The following MBD5 variants were observed in gnomAD, a reference collection of about 807,000 sequenced individuals.
The protein encoded by MBD5 is methyl-CpG-binding domain protein 5.
In MBD5, 13 loss-of-function variants were observed where a neutral mutation model predicts 117.3. That is an observed-to-expected ratio of 0.11 (90% confidence interval 0.07 to 0.18). The LOEUF (loss-of-function observed/expected upper bound fraction) is 0.18. Among genes scored for constraint, MBD5 ranks in the 10% least tolerant of loss-of-function variants. MBD5 has a pLI of 1.00. For missense variants in MBD5, 1,879 were observed against 2,093.8 expected, an observed-to-expected ratio of 0.90 and a Z score of 2.00; for synonymous variants, 727 against 766.4, an observed-to-expected ratio of 0.95 and a Z score of 0.85.
chr2:148,235,999 A>T (rs1018254537), intron 3 of MBD5, among the ~76,000 whole-genome samples: 3 of 151,980 alleles, frequency 2.0e-5, no homozygotes, highest in Non-Finnish European at 2.9e-5. Flanking sequence ...GGGTTTTGCC[A>T]TGTTGCCCAG....
At chr2:148,122,981 A>C (rs528994831) in intron 1 of MBD5, among the ~76,000 whole-genome samples, 1 of 152,312 alleles carries the variant, frequency 6.6e-6, no homozygotes, top group East Asian at 1.9e-4. Context: ...GAGATGACTA[A>C]GGATAGACAG....
At chr2:148,511,268 T>C (rs941128037) in intron 13 of MBD5, among the ~76,000 whole-genome samples, 1 of 152,266 alleles carries the variant, frequency 6.6e-6, no homozygotes, top group South Asian at 2.1e-4. Context: ...GACTTTCCAC[T>C]GACCTGACCT....
chr2:148,313,657 T>C (rs2106540333), intron 3 of MBD5, among the ~76,000 whole-genome samples: 1 of 152,236 alleles, frequency 6.6e-6, no homozygotes, highest in Non-Finnish European at 1.5e-5. Context: ...AACGGTTCTG[T>C]CTCATTGGCA....
chr2:148,255,814 A>G (rs969358703), intron 3 of MBD5, among the ~76,000 whole-genome samples: 1 of 152,238 alleles, frequency 6.6e-6, no homozygotes, highest in South Asian at 2.1e-4. Flanking sequence ...TTGCCCAATC[A>G]TACCTGCAGC....
At chr2:148,440,439 A>G (rs1018764812) in intron 4 of MBD5, among the ~76,000 whole-genome samples, 1 of 152,194 alleles carries the variant, frequency 6.6e-6, no homozygotes, top group Non-Finnish European at 1.5e-5. Context: ...TAAAATAAGA[A>G]AAGTAGATTC....
chr2:148,319,228 T>C (rs896868377), intron 3 of MBD5, among the ~76,000 whole-genome samples: 3 of 152,202 alleles, frequency 2.0e-5, no homozygotes, highest in African/African-American at 7.2e-5. Flanking sequence ...TTGATTTGGC[T>C]ATTTGGGGTC....
chr2:148,025,897 G>A (rs1228681615), intron 1 of MBD5: 5 of 152,132 alleles, frequency 3.3e-5, no homozygotes, highest in Admixed American at 1.3e-4. Context: ...TTAGTAAAAT[G>A]ATTTGGAATT....
chr2:148,298,358 C>T (rs547479757), intron 3 of MBD5, among the ~76,000 whole-genome samples: 2 of 152,286 alleles, frequency 1.3e-5, no homozygotes, highest in African/African-American at 4.8e-5. Context: ...TTGACCACAC[C>T]TACCTGGAGT....
intron 4 of MBD5, among the ~76,000 whole-genome samples, chr2:148,399,362 C>T (rs1704841754): frequency 6.6e-6 from 1 of 151,836 alleles, no homozygotes; most frequent in African/African-American, 2.4e-5. Flanking sequence ...TTGAAGAGGT[C>T]CTTCACATCC....
chr2:148,304,938 G>A (rs1458082800), intron 3 of MBD5, among the ~76,000 whole-genome samples: 2 of 151,132 alleles, frequency 1.3e-5, no homozygotes, highest in Admixed American at 1.3e-4. Context: ...AGTGGCGGGC[G>A]CCTGTAGTCC....
At chr2:148,140,386 A>G (rs1215243274) in intron 1 of MBD5, among the ~76,000 whole-genome samples, 2 of 152,202 alleles carry the variant, frequency 1.3e-5, no homozygotes, top group Non-Finnish European at 2.9e-5. Context: ...AGATAAAAAA[A>G]TTATGTTGTA....
intron 2 of MBD5, among the ~76,000 whole-genome samples, chr2:148,214,394 C>G (rs1290328980): frequency 6.6e-6 from 1 of 152,078 alleles, no homozygotes; most frequent in African/African-American, 2.4e-5. Context: ...TGTTTTGAAC[C>G]ATTTAAAAAT....
chr2:148,349,577 A>T (rs977028316), intron 4 of MBD5, among the ~76,000 whole-genome samples: 1 of 152,002 alleles, frequency 6.6e-6, no homozygotes, highest in Non-Finnish European at 1.5e-5. Context: ...AGAAAACAGC[A>T]TTAATATGAC....
At chr2:148,224,244 G>C (rs1699760960) in intron 2 of MBD5, among the ~76,000 whole-genome samples, 1 of 152,196 alleles carries the variant, frequency 6.6e-6, no homozygotes, top group Admixed American at 6.5e-5. Flanking sequence ...TTGGACTGTA[G>C]TGCAGATTGT....
intron 3 of MBD5, among the ~76,000 whole-genome samples, chr2:148,246,956 T>C (rs764649734): frequency 1.5e-4 from 23 of 152,110 alleles, no homozygotes; most frequent in Admixed American, 2.6e-4. Context: ...TATCCCATCC[T>C]TGAAATATAG....
rs1682343140 is a variant in MBD5 at position 148,516,349 on chromosome 2, A to G, written c.*3408A>G. 1 of 152,218 alleles carries G rather than the reference A, an allele frequency of 6.6e-6. No individual in the cohort carries two copies. The highest frequency in any genetic ancestry group is 2.1e-4 in the South Asian group (1 of 4,838). The allele number at this position is 152,218 out of a possible 1,614,324, so 9.4% of individuals were successfully genotyped here. On this transcript the variant is annotated 3_prime_UTR_variant, in exon 14 of 14. Coordinates refer to ENST00000642680, the MANE Select transcript of MBD5 (RefSeq NM_001378120.1). ...CTCTTTCTGAAAAGAAAGACAAAAT[A>G]CTAGACCTTGCTGAAAATTGGATAT... is the stretch of plus-strand genomic sequence containing the variant.
chr2:148,170,182 C>T (rs546852686), intron 1 of MBD5, among the ~76,000 whole-genome samples: 4 of 152,328 alleles, frequency 2.6e-5, no homozygotes. Flanking sequence ...CAGGCGTGAG[C>T]CACCGCGCCC....
chr2:148,269,702 G>A (rs1050074461), intron 3 of MBD5, among the ~76,000 whole-genome samples: 1 of 145,178 alleles, frequency 6.9e-6, no homozygotes, highest in African/African-American at 2.5e-5. Flanking sequence ...AGTATACTTG[G>A]CATACAAGGA....
At chr2:148,496,195 G>A (rs573191360) in intron 11 of MBD5, among the ~76,000 whole-genome samples, 2 of 152,316 alleles carry the variant, frequency 1.3e-5, no homozygotes, top group East Asian at 1.9e-4. Flanking sequence ...GGTTGGTGGT[G>A]TGACAGAGGC....
Sources: gnomAD v4.1 joint callset for allele counts (sites outside exome capture counted in the v4.1 genomes callset) on GRCh38, gnomAD v4.1.1 for gene constraint, MANE v1.5 for transcripts, NCBI Gene and HGNC (gene_info 2026-07-23, HGNC 2026-07-21) for gene names.